The following CD44 variants were observed in gnomAD, a reference collection of about 807,000 sequenced individuals.
CD44 encodes CD44 antigen.
In CD44, 49 loss-of-function variants were observed where a neutral mutation model predicts 88.8. The observed-to-expected ratio is 0.55, with a 90% CI of 0.44 to 0.70. The LOEUF (loss-of-function observed/expected upper bound fraction) is 0.70, where lower values mean the gene tolerates loss of function less well. Ranked by LOEUF, CD44 falls within the 30% of genes least tolerant of loss-of-function variation. CD44 has a pLI of 0.00. For synonymous variants in CD44, 325 were observed against 312.3 expected (o/e 1.04, Z -0.43); for missense variants, 883 against 913.8 (o/e 0.97, Z 0.43).
chr11:35,190,295 A>G, intron 5 of CD44: 1 of 572,992 alleles, frequency 1.7e-6, no homozygotes, highest in East Asian at 2.9e-5. Flanking sequence ...CCTTAGCATA[A>G]GAAGTGCCAT....
In CD44 at chr11:35,232,096, A is replaced by T. The variant is rs998690487; in HGVS notation, c.*2763A>T. 5 of 152,354 alleles carry T rather than the reference A, an allele frequency of 3.3e-5. No individual in the cohort carries two copies. The highest frequency in any genetic ancestry group is 6.5e-5 in the Admixed American group (1 of 15,282). 9.4% of individuals were successfully genotyped at this position (152,354 alleles called of 1,614,324 possible). A position where few individuals can be genotyped will look rare whatever the true frequency, so the allele number is the denominator to read the frequency against. On this transcript the variant is annotated 3_prime_UTR_variant, in exon 18 of 18. Coordinates refer to ENST00000428726, the MANE Select transcript of CD44 (RefSeq NM_000610.4). ...GTAGGAGAGAGGAAACATTTGACTT[A>T]TCTGGAAAAGCAAAATGTACTTAAG...
chr11:35,158,936 G>C (rs1456016499), intron 1 of CD44, among the ~76,000 whole-genome samples: 2 of 152,230 alleles, frequency 1.3e-5, no homozygotes, highest in African/African-American at 4.8e-5. Context: ...AGCAGGATCA[G>C]CCTCTTCCTG....
At chr11:35,204,409 T>C (rs1444203743) in intron 9 of CD44, 103 bp from the exon 10 acceptor site, 2 of 1,079,116 alleles carry the variant, frequency 1.9e-6, no homozygotes, top group South Asian at 3.0e-5. Flanking sequence ...CTTTTCTACC[T>C]TCCCTCCCCA....
chr11:35,214,885 C>A lies in CD44; in HGVS notation c.1844C>A (p.Ser615Tyr). The A allele has an allele frequency of 6.4e-7, 1 of 1,563,208 alleles. No homozygotes were observed. Among genetic ancestry groups the A allele is most frequent in the Non-Finnish European group, 8.7e-7 (1 of 1,154,672 alleles). Residue 615 changes from serine to tyrosine, a missense_variant, in exon 15 of 18, where the codon TCC becomes TAC. Around this residue, in one of 2 missense-constraint regions of CD44, gnomAD observed 631 missense variants for 590.9 expected, o/e 1.07. Coordinates refer to ENST00000428726, the MANE Select transcript of CD44 (RefSeq NM_000610.4). ...GACACATTCCACCCCAGTGGGGGGT[C>A]CCATACCACTCATGGATCTGAATCA... ...DQDTFHPSGG[S>Y]HTTHGSESDG...
At chr11:35,224,477 A>G (rs948520583) in intron 17 of CD44, among the ~76,000 whole-genome samples, 1 of 152,126 alleles carries the variant, frequency 6.6e-6, no homozygotes, top group Non-Finnish European at 1.5e-5. Context: ...GGCTCACTCC[A>G]TGTGCAGTGG....
chr11:35,156,144 C>T (rs764071263), intron 1 of CD44, among the ~76,000 whole-genome samples: 1 of 152,136 alleles, frequency 6.6e-6, no homozygotes, highest in Non-Finnish European at 1.5e-5. Flanking sequence ...AAAAATTGCT[C>T]TTTCATAGGC....
chr11:35,186,862 C>T lies in CD44; in HGVS notation c.398C>T (p.Thr133Ile), dbSNP rs1945731149. 1 of 1,607,712 alleles carries T rather than the reference C, an allele frequency of 6.2e-7. No homozygotes were observed. Among genetic ancestry groups the T allele is most frequent in the Non-Finnish European group, 8.5e-7 (1 of 1,174,206 alleles). The change falls in exon 4 of 18, where the codon ACA (threonine) becomes ATA (isoleucine). Residue 133 changes from threonine (T) to isoleucine (I), a missense_variant. Around this residue, in one of 2 missense-constraint regions of CD44, gnomAD observed 252 missense variants for 322.9 expected, o/e 0.78. Coordinates refer to ENST00000428726, the MANE Select transcript of CD44 (RefSeq NM_000610.4). ...APPEEDCTSV[T>I]DLPNAFDGPI... ...CCTGAAGAAGATTGTACATCAGTCACAGACCTGCCCAATGCCTTTGATGGA... is the reference window on the plus strand; with the variant it reads ...CCTGAAGAAGATTGTACATCAGTCATAGACCTGCCCAATGCCTTTGATGGA...
At chr11:35,207,969 G>C in intron 11 of CD44, 136 bp from the exon 12 acceptor site, 1 of 600,554 alleles carries the variant, frequency 1.7e-6, no homozygotes, top group Non-Finnish European at 3.0e-6. Context: ...ATCTCAGTTC[G>C]GGAGATATAG....
intron 5 of CD44, among the ~76,000 whole-genome samples, chr11:35,191,201 C>A (rs534483757): frequency 6.6e-6 from 1 of 152,036 alleles, no homozygotes; most frequent in Non-Finnish European, 1.5e-5. Context: ...AAGACAGGGC[C>A]CTTCTCTATT....
At chr11:35,161,360 A>G (rs902145751) in intron 1 of CD44, among the ~76,000 whole-genome samples, 21 of 152,308 alleles carry the variant, frequency 1.4e-4, no homozygotes, top group African/African-American at 5.1e-4. Flanking sequence ...TCAAGCCAGG[A>G]CTTGGACCCA....
chr11:35,179,799 G>T (rs1425764262), intron 2 of CD44, among the ~76,000 whole-genome samples: 1 of 152,196 alleles, frequency 6.6e-6, no homozygotes, highest in Non-Finnish European at 1.5e-5. Context: ...GGGGGAATGG[G>T]ACATGAGGCA....
rs762397943 is a variant in CD44 at position 35,221,638 on chromosome 11, A to T, written c.1946-16A>T. The stretch of plus-strand genomic sequence containing the variant: ...TCTCTGAAGCTCACGCATGTCATTT[A>T]ATTTACTCATACCAGAATGGCTGAT... On this transcript the variant is annotated splice_polypyrimidine_tract_variant and intron_variant, in intron 16 of 17. Coordinates refer to ENST00000428726, the MANE Select transcript of CD44 (RefSeq NM_000610.4). The T allele has an allele frequency of 6.2e-7, 1 of 1,610,138 alleles. No homozygotes were observed. Among genetic ancestry groups the T allele is most frequent in the Non-Finnish European group, 8.5e-7 (1 of 1,176,356 alleles).
chr11:35,202,677 G>A (rs1304144638), intron 9 of CD44, among the ~76,000 whole-genome samples: 6 of 152,152 alleles, frequency 3.9e-5, no homozygotes, highest in Non-Finnish European at 8.8e-5. Context: ...GGCTTGAGGG[G>A]TGCCTTCAGA....
chr11:35,150,530 T>C (rs562872451), intron 1 of CD44, among the ~76,000 whole-genome samples: 1 of 152,348 alleles, frequency 6.6e-6, no homozygotes, highest in African/African-American at 2.4e-5. Flanking sequence ...GAGGCTATAA[T>C]ATAAGGCTAG....
In CD44 at chr11:35,144,236, T is replaced by A. The variant is rs887759879; in HGVS notation, c.67+4866T>A. On this transcript the variant is annotated intron_variant, in intron 1 of 17. Coordinates refer to ENST00000428726, the MANE Select transcript of CD44 (RefSeq NM_000610.4). ...CTGGGGCTGGGGATAAGAGAGTAAC[T>A]GCAATTGTGCTTCCCCGGCACCTTC... Among the ~76,000 whole-genome samples, 53 of 152,324 alleles carry A rather than the reference T, an allele frequency of 3.5e-4. 1 individual carries two copies. The highest frequency in any genetic ancestry group is 3.4e-3 in the Middle Eastern group (1 of 294).
chr11:35,198,679 TATTA>T (rs1835250725), intron 7 of CD44: 1 of 153,970 alleles, frequency 6.5e-6, no homozygotes, highest in African/African-American at 2.4e-5. Context: ...ATGAGGAGGG[TATTA>T]ATTAAAAGTT....
At chr11:35,176,467 C>T (rs1944480573) in intron 1 of CD44, 108 bp from the exon 2 acceptor site, 4 of 985,438 alleles carry the variant, frequency 4.1e-6, no homozygotes, top group South Asian at 3.3e-5. Context: ...CATGAGCCAC[C>T]GCGCCCGGCC....
intron 3 of CD44, among the ~76,000 whole-genome samples, chr11:35,185,867 CT>C (rs1357010295): frequency 6.6e-6 from 1 of 152,156 alleles, no homozygotes; most frequent in African/African-American, 2.4e-5. Flanking sequence ...CTGCAGTCTG[CT>C]TTTAAGACAC....
At chr11:35,171,570 C>T (rs1183262595) in intron 1 of CD44, among the ~76,000 whole-genome samples, 1 of 152,176 alleles carries the variant, frequency 6.6e-6, no homozygotes, top group Non-Finnish European at 1.5e-5. Context: ...CAACCACACA[C>T]TCACTTGCAT....
Sources: allele counts gnomAD v4.1 joint callset (sites outside exome capture counted in the v4.1 genomes callset), GRCh38; gene constraint gnomAD v4.1.1; regional missense constraint gnomAD v4.1.1; transcripts MANE v1.5; gene names NCBI Gene and HGNC (gene_info 2026-07-23, HGNC 2026-07-21).